Variants in CLGN observed in about 807,000 individuals in gnomAD.
CLGN encodes the protein calmegin.
CLGN carries 62 observed loss-of-function variants against 79.1 expected under a neutral mutation model. The observed-to-expected ratio is 0.78, with a 90% confidence interval of 0.64 to 0.97. The LOEUF (loss-of-function observed/expected upper bound fraction) is 0.97, where lower values mean the gene tolerates loss of function less well. CLGN is among the 50% of genes least tolerant of loss of function. The probability of loss-of-function intolerance (pLI) is 0.00; values close to 1 mark genes in which losing one functional copy is unlikely to be tolerated. For synonymous variants in CLGN, 225 were observed against 224.7 expected, an observed-to-expected ratio of 1.00 and a Z score of -0.01; for missense variants, 647 against 715.5, an observed-to-expected ratio of 0.90 and a Z score of 1.09.
chr4:140,391,852 T>G (rs1728778986), intron 13 of CLGN, among the ~76,000 whole-genome samples: 1 of 151,830 alleles, frequency 6.6e-6, no homozygotes, highest in Non-Finnish European at 1.5e-5. Context: ...AATCATCTGT[T>G]TTATATCTAT....
rs562167407 is a variant in CLGN, at chr4:140,427,123, T to C, written c.-10+414A>G. Among the ~76,000 whole-genome samples the C allele has an allele frequency of 3.5e-3, 520 of 149,168 alleles. 2 individuals are homozygous for C. Among genetic ancestry groups the C allele is most frequent in the African/African-American group, 0.012 (482 of 40,620 alleles). On this transcript the variant is annotated intron_variant, in intron 1 of 14. Coordinates refer to ENST00000325617, the MANE Select transcript of CLGN (RefSeq NM_004362.3). ...CAACCATTGGGAGAGCGCCCCGGGCTCAAGCGTGGAACGGGGCTGCAATGG... is the reference window on the plus strand; with the variant it reads ...CAACCATTGGGAGAGCGCCCCGGGCCCAAGCGTGGAACGGGGCTGCAATGG...
At chr4:140,408,682 T>A (rs867792996) in intron 4 of CLGN, among the ~76,000 whole-genome samples, 17 of 151,750 alleles carry the variant, frequency 1.1e-4, no homozygotes, top group Non-Finnish European at 1.6e-4. Context: ...ACAATTGGCA[T>A]GGATGTGGTA....
At chr4:140,419,560 A>AT (rs1291094905) in intron 1 of CLGN, among the ~76,000 whole-genome samples, 1 of 152,116 alleles carries the variant, frequency 6.6e-6, no homozygotes, top group Non-Finnish European at 1.5e-5. Flanking sequence ...AGATACAAAA[A>AT]TTTTTTTATC....
intron 1 of CLGN, among the ~76,000 whole-genome samples, chr4:140,414,490 C>T (rs1393787929): frequency 6.6e-6 from 1 of 151,086 alleles, no homozygotes; most frequent in Admixed American, 6.6e-5. Context: ...ATAACCAATA[C>T]AGAGAAGTGC....
At chr4:140,411,147 G>C (rs567459861) in intron 2 of CLGN, among the ~76,000 whole-genome samples, 1 of 152,196 alleles carries the variant, frequency 6.6e-6, no homozygotes, top group African/African-American at 2.4e-5. Flanking sequence ...AGTGTTAGCT[G>C]TTAGGGTGGC....
At chr4:140,424,493 A>G (rs1729526086) in intron 1 of CLGN, among the ~76,000 whole-genome samples, 1 of 152,122 alleles carries the variant, frequency 6.6e-6, no homozygotes, top group Non-Finnish European at 1.5e-5. Context: ...ATTGTTGGGT[A>G]CAGTGTTGTC....
intron 7 of CLGN, among the ~76,000 whole-genome samples, 182 bp from the exon 8 acceptor site, chr4:140,399,222 T>C (rs1406777057): frequency 2.0e-5 from 3 of 152,190 alleles, no homozygotes; most frequent in Non-Finnish European, 1.5e-5. Context: ...TTCCTAAAGA[T>C]AAAATTTTGT....
chr4:140,390,998 T>A (rs1232061218), intron 13 of CLGN, among the ~76,000 whole-genome samples: 1 of 151,808 alleles, frequency 6.6e-6, no homozygotes, highest in Admixed American at 6.6e-5. Context: ...AATAATAATC[T>A]TTCCTGTGTT....
chr4:140,396,915 A>G, intron 8 of CLGN, among the ~76,000 whole-genome samples: 3 of 134,152 alleles, frequency 2.2e-5, no homozygotes, highest in Admixed American at 7.5e-5. Context: ...ATGTATATAT[A>G]TATATATACA....
intron 4 of CLGN, among the ~76,000 whole-genome samples, chr4:140,409,506 G>T (rs2126627296): frequency 6.6e-6 from 1 of 152,088 alleles, no homozygotes; most frequent in South Asian, 2.1e-4. Flanking sequence ...TTAATTTATA[G>T]ATCAAGGTGT....
intron 10 of CLGN, 120 bp from the exon 11 acceptor site, chr4:140,394,161 C>G (rs1246665079): frequency 4.5e-6 from 3 of 661,666 alleles, no homozygotes; most frequent in African/African-American, 1.8e-5. Flanking sequence ...AGAATTTTAA[C>G]TGATATTAAT....
At chr4:140,412,536 T>G (rs1311444254) in intron 2 of CLGN, among the ~76,000 whole-genome samples, 2 of 151,990 alleles carry the variant, frequency 1.3e-5, no homozygotes. Flanking sequence ...CTTCTTAGCA[T>G]TTTCTTTTCT....
chr4:140,413,223 T>G, intron 1 of CLGN, 136 bp from the exon 2 acceptor site: 1 of 654,514 alleles, frequency 1.5e-6, no homozygotes, highest in South Asian at 2.1e-5. Flanking sequence ...ACTGACAAAA[T>G]TATTTAAATT....
intron 2 of CLGN, among the ~76,000 whole-genome samples, chr4:140,411,989 T>C (rs1323230386): frequency 6.6e-6 from 1 of 152,168 alleles, no homozygotes; most frequent in Non-Finnish European, 1.5e-5. Flanking sequence ...AGTCGAGTGG[T>C]AGTTACCTGT....
intron 1 of CLGN, among the ~76,000 whole-genome samples, chr4:140,414,765 GA>G (rs1441407698): frequency 6.7e-6 from 1 of 149,122 alleles, no homozygotes; most frequent in Non-Finnish European, 1.5e-5. Context: ...AACCAAGTTG[GA>G]AAACACTCTG....
At chr4:140,404,218 C>A (rs944019367) in intron 5 of CLGN, among the ~76,000 whole-genome samples, 2 of 152,004 alleles carry the variant, frequency 1.3e-5, no homozygotes, top group Non-Finnish European at 2.9e-5. Context: ...CTCAGCCTCC[C>A]GAGTAGCTGG....
At chr4:140,402,306 CCAAT>C (rs1468289794) in intron 5 of CLGN, among the ~76,000 whole-genome samples, 2 of 151,714 alleles carry the variant, frequency 1.3e-5, no homozygotes, top group East Asian at 1.9e-4. Context: ...TGCAGACAAA[CCAAT>C]CAATTTGTTT....
At chr4:140,391,926 C>T (rs1397071008) in intron 13 of CLGN, among the ~76,000 whole-genome samples, 1 of 151,844 alleles carries the variant, frequency 6.6e-6, no homozygotes, top group African/African-American at 2.4e-5. Context: ...TCTACACTCC[C>T]AGAGCCAAGA....
chr4:140,395,635 T>TC (rs1252606833), intron 10 of CLGN, among the ~76,000 whole-genome samples, 184 bp downstream of exon 10: 5 of 152,190 alleles, frequency 3.3e-5, no homozygotes, highest in Non-Finnish European at 5.9e-5. Context: ...GTGATTTATT[T>TC]CCCCAGAAAA....
Sources: gnomAD v4.1 joint callset for allele counts (sites outside exome capture counted in the v4.1 genomes callset) on GRCh38, gnomAD v4.1.1 for gene constraint, MANE v1.5 for transcripts, NCBI Gene and HGNC (gene_info 2026-07-23, HGNC 2026-07-21) for gene names.